Variants in COL26A1 observed in about 807,000 individuals in gnomAD.
COL26A1 encodes the protein collagen type XXVI alpha 1 chain.
Under a neutral mutation model 59.3 loss-of-function variants are expected in COL26A1, and 41 were observed. The ratio of observed to expected loss-of-function variants is 0.69; its 90% CI spans 0.54 to 0.90. The LOEUF (loss-of-function observed/expected upper bound fraction) is 0.90, where lower values mean the gene tolerates loss of function less well. Among genes scored for constraint, COL26A1 ranks in the 40% least tolerant of loss-of-function variants. The pLI is 0.00. For missense variants in COL26A1, 612 were observed against 602.3 expected (o/e 1.02, Z -0.17); for synonymous variants, 266 against 256.0 (o/e 1.04, Z -0.37).
chr7:101,407,485 C>T (rs2130227198), intron 1 of COL26A1, among the ~76,000 whole-genome samples: 1 of 151,800 alleles, frequency 6.6e-6, no homozygotes, highest in South Asian at 2.1e-4. Flanking sequence ...CTGACATCAG[C>T]CTCCCCTCCC....
chr7:101,475,828 T>C (rs1205182131), intron 3 of COL26A1, among the ~76,000 whole-genome samples: 9 of 148,058 alleles, frequency 6.1e-5, no homozygotes, highest in Admixed American at 2.7e-4. Context: ...TTCTCTCTCT[T>C]TCTCTCTCTC....
At chr7:101,424,865 C>T (rs975351105) in intron 2 of COL26A1, among the ~76,000 whole-genome samples, 1 of 152,058 alleles carries the variant, frequency 6.6e-6, no homozygotes, top group Non-Finnish European at 1.5e-5. Flanking sequence ...TCACTGGTCT[C>T]CCCACTCCCC....
At position 101,465,034 on chromosome 7, in the gene COL26A1, CTTTTT is replaced by C. The variant is rs112899121; in HGVS notation, c.385+17261_385+17265del. ...GCTTTAAGCTTCTAATTCTTTCTTT[CTTTTT>C]TTTTTTTTTTTTTGTTGGGACAGAG... On this transcript the variant is annotated intron_variant, in intron 3 of 12. Transcript: ENST00000313669. Among the ~76,000 whole-genome samples the C allele has an allele frequency of 5.4e-3, 701 of 130,022 alleles. 5 individuals carry two copies. The highest frequency in any genetic ancestry group is 0.018 in the African/African-American group (629 of 35,324). 85.3% of individuals were successfully genotyped at this position (130,022 alleles called of 152,430 possible). A position where few individuals can be genotyped will look rare whatever the true frequency, so the allele number is the denominator to read the frequency against.
intron 3 of COL26A1, among the ~76,000 whole-genome samples, chr7:101,499,043 C>T (rs917020870): frequency 2.6e-5 from 4 of 152,214 alleles, no homozygotes; most frequent in South Asian, 4.1e-4. Context: ...TGGAGCCATT[C>T]GGCCTCAATG....
intron 3 of COL26A1, among the ~76,000 whole-genome samples, chr7:101,520,594 G>C (rs1216696092): frequency 1.3e-5 from 2 of 148,286 alleles, no homozygotes; most frequent in African/African-American, 5.1e-5. Flanking sequence ...GGCAAAGGTG[G>C]GAGGAAGAGA....
Position 101,531,776 on chromosome 7 carries a change from G to T in COL26A1, c.386-1306G>T, listed in dbSNP as rs1050754236. Among the ~76,000 whole-genome samples, 34 of 144,978 alleles carry T rather than the reference G, an allele frequency of 2.3e-4. 1 individual carries two copies. Among genetic ancestry groups the T allele is most frequent in the African/African-American group, 6.8e-4 (27 of 39,642 alleles). On this transcript the variant is annotated intron_variant, in intron 3 of 12. Coordinates refer to ENST00000313669, the MANE Select transcript of COL26A1 (RefSeq NM_001278563.3). ...GCAGAGGAATCGCCCTTTGTTTTTTGTTTTTTTTTTTAAGGACAGGGAACA... is the reference window on the plus strand; with the variant it reads ...GCAGAGGAATCGCCCTTTGTTTTTTTTTTTTTTTTTTAAGGACAGGGAACA...
chr7:101,467,740 G>A (rs909666352), intron 3 of COL26A1, among the ~76,000 whole-genome samples: 2 of 152,024 alleles, frequency 1.3e-5, no homozygotes, highest in South Asian at 2.1e-4. Context: ...GGTGGCGGGC[G>A]CCTGTAGTCC....
At chr7:101,378,481 C>T (rs987968205) in intron 1 of COL26A1, among the ~76,000 whole-genome samples, 4 of 152,120 alleles carry the variant, frequency 2.6e-5, no homozygotes, top group African/African-American at 7.2e-5. Flanking sequence ...GAGATTATGC[C>T]GTTGCACTCC....
chr7:101,511,308 AC>A (rs1306858912), intron 3 of COL26A1, among the ~76,000 whole-genome samples: 10 of 152,188 alleles, frequency 6.6e-5, no homozygotes, highest in African/African-American at 2.2e-4. Flanking sequence ...GCCACACCAA[AC>A]CCTTTAGAAG....
intron 3 of COL26A1, among the ~76,000 whole-genome samples, chr7:101,501,020 A>G (rs370698324): frequency 6.6e-5 from 10 of 150,882 alleles, no homozygotes; most frequent in African/African-American, 2.4e-4. Flanking sequence ...TGTCTCTACT[A>G]AAAATACAAA....
intron 1 of COL26A1, among the ~76,000 whole-genome samples, chr7:101,410,979 ACTGGCC>A (rs1175444640): frequency 3.9e-5 from 6 of 152,136 alleles, no homozygotes; most frequent in African/African-American, 1.2e-4. Flanking sequence ...CCTCACTGGC[ACTGGCC>A]TTTCTGAGGG....
At chr7:101,426,516 A>C (rs1584397849) in intron 2 of COL26A1, among the ~76,000 whole-genome samples, 1 of 152,132 alleles carries the variant, frequency 6.6e-6, no homozygotes, top group Non-Finnish European at 1.5e-5. Flanking sequence ...CTCACACCAC[A>C]GTGTCCCAAA....
chr7:101,449,695 G>A (rs1322228550), intron 3 of COL26A1, among the ~76,000 whole-genome samples: 1 of 152,116 alleles, frequency 6.6e-6, no homozygotes, highest in Non-Finnish European at 1.5e-5. Context: ...ACTGATGTAT[G>A]TGTGTATACA....
intron 8 of COL26A1, 77 bp downstream of exon 8, chr7:101,547,316 G>A (rs1795759269): frequency 2.9e-6 from 3 of 1,022,236 alleles, no homozygotes; most frequent in African/African-American, 3.2e-5. Flanking sequence ...GCCTTGAGGG[G>A]AGCTGGAGGT....
At chr7:101,366,563 C>T (rs1340838992) in intron 1 of COL26A1, among the ~76,000 whole-genome samples, 11 of 136,218 alleles carry the variant, frequency 8.1e-5, no homozygotes, top group Middle Eastern at 4.8e-3. Context: ...CGTAATGGTG[C>T]AATCATAGCT....
intron 2 of COL26A1, among the ~76,000 whole-genome samples, chr7:101,429,581 C>G (rs1327627880): frequency 1.2e-4 from 12 of 98,942 alleles, no homozygotes; most frequent in South Asian, 3.1e-4. Flanking sequence ...TTTTTCCTTT[C>G]TTTTTTACTT....
intron 3 of COL26A1, among the ~76,000 whole-genome samples, chr7:101,452,308 C>G (rs1711662586): frequency 6.6e-6 from 1 of 152,126 alleles, no homozygotes; most frequent in African/African-American, 2.4e-5. Context: ...AGGTCCTCAC[C>G]ACCAAGTAGG....
chr7:101,552,634 C>T lies in COL26A1; in HGVS notation c.1030-692C>T, dbSNP rs191279067. Among the ~76,000 whole-genome samples, 192 of 150,828 alleles carry T rather than the reference C, an allele frequency of 1.3e-3. 1 individual carries two copies. Among genetic ancestry groups the T allele is most frequent in the Admixed American group, 3.0e-3 (45 of 15,154 alleles). ...CCTGTCTCAAAAAATTGGCTGGGTGCGGTGGCTCACGCCTGTAATCCCAGC... is the reference window on the plus strand; with the variant it reads ...CCTGTCTCAAAAAATTGGCTGGGTGTGGTGGCTCACGCCTGTAATCCCAGC... On this transcript the variant is annotated intron_variant, in intron 10 of 12. Coordinates refer to ENST00000313669, the MANE Select transcript of COL26A1 (RefSeq NM_001278563.3).
chr7:101,377,157 C>A (rs947645012), intron 1 of COL26A1, among the ~76,000 whole-genome samples: 4 of 151,814 alleles, frequency 2.6e-5, no homozygotes, highest in African/African-American at 4.9e-5. Flanking sequence ...CTGTGCCTGG[C>A]CTTCTTTTCT....
Sources: allele counts gnomAD v4.1 joint callset (sites outside exome capture counted in the v4.1 genomes callset), GRCh38; gene constraint gnomAD v4.1.1; transcripts MANE v1.5; gene names NCBI Gene and HGNC (gene_info 2026-07-23, HGNC 2026-07-21).